EFHD2: variants seen among roughly 807,000 people sequenced by gnomAD.
EFHD2 encodes the protein EF-hand domain-containing protein D2.
In EFHD2, 12 loss-of-function variants were observed where a neutral mutation model predicts 20.3. The ratio of observed to expected loss-of-function variants is 0.59; its 90% CI spans 0.38 to 0.96. EFHD2 has a LOEUF of 0.96. Ranked by LOEUF, EFHD2 falls within the 40% of genes least tolerant of loss-of-function variation. The pLI, the probability that EFHD2 is intolerant of heterozygous loss-of-function variation, is 0.00. For missense variants in EFHD2, 250 were observed against 334.3 expected, an observed-to-expected ratio of 0.75 and a Z score of 1.97; for synonymous variants, 131 against 143.9, an observed-to-expected ratio of 0.91 and a Z score of 0.64.
intron 1 of EFHD2, among the ~76,000 whole-genome samples, chr1:15,415,275 G>A (rs888294308): frequency 1.3e-5 from 2 of 152,090 alleles, no homozygotes; most frequent in Non-Finnish European, 2.9e-5. Context: ...GCAATGGAAG[G>A]TTTTTTTCTT....
chr1:15,425,183 T>C (rs1707852715), intron 1 of EFHD2, among the ~76,000 whole-genome samples: 1 of 152,098 alleles, frequency 6.6e-6, no homozygotes, highest in Non-Finnish European at 1.5e-5. Context: ...ATGGAGGTGG[T>C]GAGTGAGTGC....
At chr1:15,418,699 A>G (rs917129891) in intron 1 of EFHD2, among the ~76,000 whole-genome samples, 1 of 152,228 alleles carries the variant, frequency 6.6e-6, no homozygotes, top group Admixed American at 6.5e-5. Flanking sequence ...CTAAACAACG[A>G]ACTGCATCAG....
At chr1:15,423,909 G>T (rs1385995398) in intron 1 of EFHD2, among the ~76,000 whole-genome samples, 1 of 152,124 alleles carries the variant, frequency 6.6e-6, no homozygotes, top group Non-Finnish European at 1.5e-5. Flanking sequence ...ACCCATTTTG[G>T]CTGGGCAAAG....
intron 3 of EFHD2, 99 bp downstream of exon 3, chr1:15,427,383 G>T (rs1455980631): frequency 6.7e-7 from 1 of 1,492,752 alleles, no homozygotes; most frequent in Non-Finnish European, 9.0e-7. Context: ...TGCTGAGGCT[G>T]CAGACAGAGA....
intron 1 of EFHD2, among the ~76,000 whole-genome samples, chr1:15,414,728 G>A (rs767779062): frequency 2.0e-5 from 3 of 152,200 alleles, no homozygotes; most frequent in Admixed American, 6.5e-5. Flanking sequence ...GTGACAGGAC[G>A]CAGGGTTAGA....
intron 1 of EFHD2, among the ~76,000 whole-genome samples, chr1:15,410,879 A>AT (rs1184002737): frequency 3.9e-5 from 6 of 152,060 alleles, no homozygotes; most frequent in Middle Eastern, 6.8e-3. Context: ...CTGGGCAGGG[A>AT]TCCCCCCAAC....
In EFHD2 at chr1:15,419,749, T is replaced by G. The variant is rs2496313; in HGVS notation, c.309-6122T>G. Among the ~76,000 whole-genome samples the G allele has an allele frequency of 1.2e-4, 19 of 152,218 alleles. No homozygotes were observed. In the East Asian group the frequency reaches 3.7e-3, roughly 29 times the overall value. On this transcript the variant is annotated intron_variant, in intron 1 of 3. Transcript: ENST00000375980. ...GTTCCAGCTCAGGGAGAAGGGCTGG[T>G]GGGTGAGAGGCCCTCTAGCCCAGGA...
chr1:15,426,109 T>C lies in EFHD2; in HGVS notation c.456+91T>C. 3 of 1,330,308 alleles carry C rather than the reference T, an allele frequency of 2.3e-6. No individual in the cohort carries two copies. The highest frequency in any genetic ancestry group is 3.1e-5 in the Admixed American group (1 of 31,846). 82.4% of individuals were successfully genotyped at this position (1,330,308 alleles called of 1,614,324 possible). A position where few individuals can be genotyped will look rare whatever the true frequency, so the allele number is the denominator to read the frequency against. On this transcript the variant is annotated intron_variant, in intron 2 of 3. Transcript: ENST00000375980. The surrounding 1 kb of genome is among the most constrained non-coding windows in gnomAD (Gnocchi z 4.6). ...GAGACCAACCCCCACCCTTTGTCAA[T>C]GAATGAATGACATTGCCATTGAACA...
chr1:15,411,358 G>C (rs1707507483), intron 1 of EFHD2, among the ~76,000 whole-genome samples: 1 of 152,050 alleles, frequency 6.6e-6, no homozygotes, highest in Admixed American at 6.5e-5. Context: ...GCACCCCCAG[G>C]CGTGTGGGCT....
chr1:15,415,310 C>G (rs1448179384), intron 1 of EFHD2, among the ~76,000 whole-genome samples: 1 of 152,120 alleles, frequency 6.6e-6, no homozygotes, highest in Admixed American at 6.6e-5. Context: ...TTACCGAAAG[C>G]TCTCATGAAT....
chr1:15,422,744 G>A lies in EFHD2; in HGVS notation c.309-3127G>A, dbSNP rs2473354. 6.6e-5 allele frequency among the ~76,000 whole-genome samples: 10 copies of A among 152,138 alleles called. No homozygotes were observed. The South Asian group carries it at 1.9e-3, about 28-fold the overall frequency. On this transcript the variant is annotated intron_variant, in intron 1 of 3. Coordinates refer to ENST00000375980, the MANE Select transcript of EFHD2 (RefSeq NM_024329.6). ...AGCGTGGTGGCGGGCACCTGTAGTCGCAGCTACTCAGGAGGCTGAGGCAGG... is the reference window on the plus strand; with the variant it reads ...AGCGTGGTGGCGGGCACCTGTAGTCACAGCTACTCAGGAGGCTGAGGCAGG...
At chr1:15,418,517 G>T (rs376789117) in intron 1 of EFHD2, among the ~76,000 whole-genome samples, 6 of 146,974 alleles carry the variant, frequency 4.1e-5, no homozygotes, top group Non-Finnish European at 6.2e-5. Flanking sequence ...GTGTTAGCCA[G>T]GATGGTCTCA....
intron 1 of EFHD2, among the ~76,000 whole-genome samples, chr1:15,422,211 G>A (rs1557500584): frequency 6.7e-6 from 1 of 149,158 alleles, no homozygotes; most frequent in African/African-American, 2.5e-5. Flanking sequence ...TCCTGCCTCA[G>A]CCTCCCAAGT....
Position 15,428,915 on chromosome 1 carries a change from C to T in EFHD2, c.*191C>T. On this transcript the variant is annotated 3_prime_UTR_variant, in exon 4 of 4. Transcript: ENST00000375980. ...CCCCTCCCCGCTCCCTTCCACTCTG[C>T]ACGAGGCCGCCACACCGGCGCTGGC... is the stretch of plus-strand genomic sequence containing the variant. 1.2e-6 allele frequency: 1 copy of T among 820,154 alleles called. No individual in the cohort carries two copies. Among genetic ancestry groups the T allele is most frequent in the Non-Finnish European group, 1.8e-6 (1 of 543,070 alleles). 50.8% of individuals were successfully genotyped at this position (820,154 alleles called of 1,614,324 possible). A position where few individuals can be genotyped will look rare whatever the true frequency, so the allele number is the denominator to read the frequency against.
At chr1:15,411,464 C>T (rs1047604624) in intron 1 of EFHD2, among the ~76,000 whole-genome samples, 1 of 152,210 alleles carries the variant, frequency 6.6e-6, no homozygotes, top group Non-Finnish European at 1.5e-5. Flanking sequence ...CTGGGTCCCA[C>T]TCTGTTGGGT....
intron 1 of EFHD2, among the ~76,000 whole-genome samples, chr1:15,424,081 A>T (rs1384613965): frequency 2.0e-5 from 3 of 151,588 alleles, no homozygotes; most frequent in African/African-American, 7.3e-5. Flanking sequence ...AGTCCCAGCT[A>T]CTTGGGAGGC....
rs1018886325 is a variant in EFHD2 at position 15,427,393 on chromosome 1, A to G, written c.591+109A>G. 15 of 1,479,746 alleles carry G rather than the reference A, an allele frequency of 1.0e-5. No homozygotes were observed. The African/African-American group carries it at 2.0e-4, about 19-fold the overall frequency. The allele number at this position is 1,479,746 out of a possible 1,614,324, so 91.7% of individuals were successfully genotyped here. A position where few individuals can be genotyped will look rare whatever the true frequency, so the allele number is the denominator to read the frequency against. ...GTCCCTGCTGAGGCTGCAGACAGAG[A>G]TGGGAGCTGACTCCCTGCCAGGCTG... On this transcript the variant is annotated intron_variant, in intron 3 of 3. Coordinates refer to ENST00000375980, the MANE Select transcript of EFHD2 (RefSeq NM_024329.6).
chr1:15,415,846 T>C (rs918319724), intron 1 of EFHD2, among the ~76,000 whole-genome samples: 1 of 152,166 alleles, frequency 6.6e-6, no homozygotes, highest in Non-Finnish European at 1.5e-5. Flanking sequence ...CTCAAGGCGA[T>C]TGTCACTTGT....
chr1:15,410,186 C>T lies in EFHD2; in HGVS notation c.215C>T (p.Pro72Leu), dbSNP rs1707445176. ...RADLNQGIGE[P>L]QSPSRRVFNP... ...GACCTCAACCAGGGCATCGGCGAGC[C>T]CCAGTCGCCCAGCCGCCGCGTCTTC... Residue 72 changes from proline to leucine, a missense_variant, in exon 1 of 4, where the codon CCC becomes CTC. This residue lies in a region of EFHD2 where 143 missense variants were observed against 190.6 expected (regional missense o/e 0.75). Coordinates refer to ENST00000375980, the MANE Select transcript of EFHD2 (RefSeq NM_024329.6). 6.2e-7 allele frequency: 1 copy of T among 1,605,544 alleles called. No individual in the cohort carries two copies. Among genetic ancestry groups the T allele is most frequent in the East Asian group, 2.3e-5 (1 of 43,886 alleles).
Sources: gnomAD v4.1 joint callset for allele counts (sites outside exome capture counted in the v4.1 genomes callset) on GRCh38, gnomAD v4.1.1 for gene constraint, gnomAD v4.1.1 regional missense constraint, Gnocchi (gnomAD v3.1) non-coding constraint, MANE v1.5 for transcripts, NCBI Gene and HGNC (gene_info 2026-07-23, HGNC 2026-07-21) for gene names.